Variants in EPHA6 observed in about 807,000 individuals in gnomAD.
EPHA6 encodes the protein ephrin type-A receptor 6.
A neutral mutation model predicts 112.0 loss-of-function variants in EPHA6; 50 were observed. The ratio of observed to expected loss-of-function variants is 0.45; its 90% CI spans 0.36 to 0.56. The LOEUF (loss-of-function observed/expected upper bound fraction) is 0.56. Among genes scored for constraint, EPHA6 ranks in the 20% least tolerant of loss-of-function variants. EPHA6 has a pLI of 0.00. For synonymous variants in EPHA6, 529 were observed against 490.7 expected, an observed-to-expected ratio of 1.08 and a Z score of -1.03; for missense variants, 1,280 against 1,417.4, an observed-to-expected ratio of 0.90 and a Z score of 1.56.
intron 3 of EPHA6, among the ~76,000 whole-genome samples, chr3:97,026,900 G>C (rs1189100642): frequency 6.6e-6 from 1 of 152,050 alleles, no homozygotes; most frequent in Non-Finnish European, 1.5e-5. Context: ...AAGACCTAAA[G>C]ACAAAAATAC....
intron 13 of EPHA6, among the ~76,000 whole-genome samples, chr3:97,635,134 T>C (rs2093934863): frequency 6.6e-6 from 1 of 152,004 alleles, no homozygotes; most frequent in Non-Finnish European, 1.5e-5. Flanking sequence ...ATTATGAAAA[T>C]AATTTTGACC....
At chr3:97,528,145 TTGTC>T (rs1386365138) in intron 10 of EPHA6, among the ~76,000 whole-genome samples, 1 of 152,172 alleles carries the variant, frequency 6.6e-6, no homozygotes, top group Non-Finnish European at 1.5e-5. Context: ...GACCTTGCCT[TTGTC>T]TGTACTTAGA....
chr3:97,266,841 T>G (rs2079702452), intron 5 of EPHA6, among the ~76,000 whole-genome samples: 1 of 152,062 alleles, frequency 6.6e-6, no homozygotes, highest in Non-Finnish European at 1.5e-5. Context: ...TTTTTTAAGG[T>G]GGGCCTGTAT....
chr3:97,247,438 G>T (rs2096445521), intron 5 of EPHA6, among the ~76,000 whole-genome samples: 1 of 151,814 alleles, frequency 6.6e-6, no homozygotes, highest in South Asian at 2.1e-4. Context: ...GAAGCCTAGG[G>T]TGCTCTGAAA....
intron 10 of EPHA6, among the ~76,000 whole-genome samples, chr3:97,502,208 G>A (rs1001865996): frequency 3.2e-5 from 4 of 126,376 alleles, no homozygotes; most frequent in East Asian, 2.3e-4. Flanking sequence ...TTGCTCTATC[G>A]CCCACGCTGG....
chr3:97,691,584 A>G (rs1038769211), intron 14 of EPHA6, among the ~76,000 whole-genome samples: 1 of 152,174 alleles, frequency 6.6e-6, no homozygotes, highest in African/African-American at 2.4e-5. Flanking sequence ...CTATAAATAT[A>G]CATGTATTTG....
At chr3:97,549,535 C>G (rs2093001677) in intron 11 of EPHA6, among the ~76,000 whole-genome samples, 1 of 152,126 alleles carries the variant, frequency 6.6e-6, no homozygotes, top group East Asian at 1.9e-4. Flanking sequence ...GAAGAAGGGC[C>G]TATATCAGAT....
Position 97,408,336 on chromosome 3 carries a change from T to C in EPHA6, c.1731+3062T>C, listed in dbSNP as rs144266657. Among the ~76,000 whole-genome samples the C allele has an allele frequency of 7.8e-4, 119 of 152,066 alleles. 1 individual carries two copies. The highest frequency in any genetic ancestry group is 2.7e-3 in the African/African-American group (110 of 41,502). On this transcript the variant is annotated intron_variant, in intron 6 of 17. Coordinates refer to ENST00000389672, the MANE Select transcript of EPHA6 (RefSeq NM_001080448.3). ...ACATTCCAACCATAGCACCCTTCTC[T>C]TATCTCTGTTCCCTTCTGTCCTTAC...
chr3:97,696,723 G>C (rs2033065810), intron 14 of EPHA6, among the ~76,000 whole-genome samples: 1 of 152,052 alleles, frequency 6.6e-6, no homozygotes, highest in South Asian at 2.1e-4. Flanking sequence ...TGTGTACTAT[G>C]GTCCAAGCGT....
At chr3:97,067,758 T>C (rs2046224136) in intron 3 of EPHA6, among the ~76,000 whole-genome samples, 1 of 151,876 alleles carries the variant, frequency 6.6e-6, no homozygotes. Context: ...AGACAACCAT[T>C]TCTATAGTAA....
intron 3 of EPHA6, among the ~76,000 whole-genome samples, chr3:97,069,112 C>T (rs2046274629): frequency 6.6e-6 from 1 of 152,002 alleles, no homozygotes; most frequent in South Asian, 2.1e-4. Context: ...TTGTGACTAC[C>T]CCACAGTTTA....
At chr3:97,677,352 G>C (rs2031479515) in intron 14 of EPHA6, among the ~76,000 whole-genome samples, 1 of 152,086 alleles carries the variant, frequency 6.6e-6, no homozygotes, top group African/African-American at 2.4e-5. Context: ...CTAGAAAATT[G>C]ACAGGATCAA....
intron 11 of EPHA6, among the ~76,000 whole-genome samples, chr3:97,565,358 T>G (rs910738390): frequency 6.6e-6 from 1 of 152,176 alleles, no homozygotes; most frequent in Non-Finnish European, 1.5e-5. Flanking sequence ...TAAAGAGGAA[T>G]CTATGTTAGA....
chr3:96,819,439 CTCTT>C (rs1224004083), intron 1 of EPHA6, among the ~76,000 whole-genome samples: 2 of 152,174 alleles, frequency 1.3e-5, no homozygotes, highest in African/African-American at 4.8e-5. Context: ...GTAACTCTCT[CTCTT>C]TCTCTCTCCC....
At chr3:97,293,635 A>G (rs564577765) in intron 5 of EPHA6, among the ~76,000 whole-genome samples, 2 of 152,288 alleles carry the variant, frequency 1.3e-5, no homozygotes, top group East Asian at 3.9e-4. Context: ...TGATGGATCC[A>G]TGAGTGGCCA....
At chr3:97,103,072 G>A (rs2047451949) in intron 3 of EPHA6, among the ~76,000 whole-genome samples, 1 of 152,050 alleles carries the variant, frequency 6.6e-6, no homozygotes, top group South Asian at 2.1e-4. Flanking sequence ...CTTCCATTCT[G>A]TAGGTTGTCT....
intron 5 of EPHA6, among the ~76,000 whole-genome samples, chr3:97,296,860 C>A (rs2108702309): frequency 6.6e-6 from 1 of 152,274 alleles, no homozygotes; most frequent in South Asian, 2.1e-4. Flanking sequence ...AAATACCCAA[C>A]TGGGTCCAAG....
intron 2 of EPHA6, among the ~76,000 whole-genome samples, chr3:96,955,663 A>T (rs951889568): frequency 6.6e-6 from 1 of 152,186 alleles, no homozygotes; most frequent in Admixed American, 6.5e-5. Context: ...ATAAAGGTTG[A>T]GGTTGGTACT....
At chr3:97,610,104 T>G (rs184570713) in intron 12 of EPHA6, among the ~76,000 whole-genome samples, 6 of 151,698 alleles carry the variant, frequency 4.0e-5, no homozygotes, top group Admixed American at 1.3e-4. Context: ...TTTCTGATCT[T>G]ATCTTCTATA....
Sources: allele counts gnomAD v4.1 joint callset (sites outside exome capture counted in the v4.1 genomes callset), GRCh38; gene constraint gnomAD v4.1.1; transcripts MANE v1.5; gene names NCBI Gene and HGNC (gene_info 2026-07-23, HGNC 2026-07-21).